The following SYNE1 variants were observed in gnomAD, a reference collection of about 807,000 sequenced individuals.
The protein encoded by SYNE1 is nesprin-1.
Under a neutral mutation model 1,111.0 loss-of-function variants are expected in SYNE1, and 616 were observed. The ratio of observed to expected loss-of-function variants is 0.55; its 90% confidence interval spans 0.52 to 0.59. The LOEUF is 0.59. Ranked by LOEUF, SYNE1 falls within the 20% of genes least tolerant of loss-of-function variation. The pLI is 0.00. For missense variants in SYNE1, 10,006 were observed against 10,417.0 expected, an observed-to-expected ratio of 0.96 and a Z score of 1.72; for synonymous variants, 3,855 against 3,825.8, an observed-to-expected ratio of 1.01 and a Z score of -0.28.
At chr6:152,167,024 T>C (rs1252481904) in intron 130 of SYNE1, among the ~76,000 whole-genome samples, 2 of 152,178 alleles carry the variant, frequency 1.3e-5, no homozygotes, top group Non-Finnish European at 2.9e-5. Context: ...CAACATTACT[T>C]TTGGTAAGCA....
At chr6:152,238,197 G>T (rs1336627161) in intron 108 of SYNE1, among the ~76,000 whole-genome samples, 4 of 152,104 alleles carry the variant, frequency 2.6e-5, no homozygotes, top group Admixed American at 6.6e-5. Context: ...GCCTGGTGGG[G>T]CTACAATTTA....
At chr6:152,228,237 T>C (rs1009795521) in intron 115 of SYNE1, among the ~76,000 whole-genome samples, 1 of 152,248 alleles carries the variant, frequency 6.6e-6, no homozygotes, top group Non-Finnish European at 1.5e-5. Flanking sequence ...AAAATAATTA[T>C]ATGGGCTACT....
chr6:152,283,249 A>G (rs1345533642), intron 96 of SYNE1, among the ~76,000 whole-genome samples: 1 of 152,232 alleles, frequency 6.6e-6, no homozygotes, highest in Admixed American at 6.5e-5. Context: ...GAATAGCAAG[A>G]GTATTTTCAT....
At chr6:152,449,385 C>T in intron 28 of SYNE1, 148 bp downstream of exon 28, 1 of 673,844 alleles carries the variant, frequency 1.5e-6, no homozygotes, top group African/African-American at 1.8e-5. Flanking sequence ...ACATGCTCCA[C>T]AGTAATATAA....
intron 137 of SYNE1, chr6:152,144,677 T>C (rs1359488005): frequency 6.5e-6 from 1 of 152,740 alleles, no homozygotes; most frequent in Non-Finnish European, 1.5e-5. Flanking sequence ...CTCAGTAATG[T>C]TACTTTGCTT....
chr6:152,248,217 T>C (rs2088011618), intron 105 of SYNE1, among the ~76,000 whole-genome samples: 1 of 152,146 alleles, frequency 6.6e-6, no homozygotes, highest in South Asian at 2.1e-4. Flanking sequence ...CCCCTACAAC[T>C]TTCCATGGCC....
intron 141 of SYNE1, 120 bp downstream of exon 141, chr6:152,136,498 G>A: frequency 8.1e-7 from 1 of 1,232,338 alleles, no homozygotes; most frequent in Non-Finnish European, 1.2e-6. Flanking sequence ...TTATCTCACT[G>A]AAATACTGAC....
intron 66 of SYNE1, 37 bp from the exon 67 acceptor site, chr6:152,355,013 T>C (rs1424504141): frequency 6.2e-7 from 1 of 1,608,294 alleles, no homozygotes; most frequent in South Asian, 1.1e-5. Context: ...CTCTCAATCA[T>C]ATTTCACACT....
intron 117 of SYNE1, 144 bp from the exon 118 acceptor site, chr6:152,221,703 C>T (rs1315073672): frequency 5.6e-6 from 6 of 1,071,572 alleles, no homozygotes; most frequent in Non-Finnish European, 8.2e-6. Context: ...GCTTTATCAG[C>T]TTTCTTTAGA....
intron 11 of SYNE1, among the ~76,000 whole-genome samples, chr6:152,494,048 C>T (rs569109379): frequency 3.3e-5 from 5 of 152,264 alleles, no homozygotes; most frequent in African/African-American, 1.2e-4. Context: ...ACACAAGAGC[C>T]GGGACTGCAC....
At chr6:152,328,660 C>A (rs180986202) in intron 78 of SYNE1, among the ~76,000 whole-genome samples, 1 of 152,104 alleles carries the variant, frequency 6.6e-6, no homozygotes, top group African/African-American at 2.4e-5. Flanking sequence ...GATCCACCCA[C>A]CTCACCCTCC....
chr6:152,221,338 C>T (rs1014236080), intron 118 of SYNE1, 88 bp downstream of exon 118: 44 of 1,502,636 alleles, frequency 2.9e-5, no homozygotes, highest in Non-Finnish European at 3.8e-5. Context: ...CTATATAGCT[C>T]AAATTCAAAC....
At position 152,484,789 on chromosome 6, in the gene SYNE1, T is replaced by C. The variant is rs58766460; in HGVS notation, c.1185+46A>G. On this transcript the variant is annotated intron_variant, in intron 13 of 145. Transcript: ENST00000367255. ...GAAATAGATGATGAAAAATATTCTT[T>C]TCTAAATTTATTAAGCTCAGTATAA... 0.01 allele frequency: 16,412 copies of C among 1,602,014 alleles called. 1,486 individuals carry two copies. The African/African-American group carries it at 0.19, about 19-fold the overall frequency.
At chr6:152,518,982 T>C (rs1564602602) in intron 6 of SYNE1, among the ~76,000 whole-genome samples, 1 of 146,600 alleles carries the variant, frequency 6.8e-6, no homozygotes, top group Non-Finnish European at 1.5e-5. Context: ...CACCCGGGAC[T>C]GTTGTAGGGT....
intron 115 of SYNE1, among the ~76,000 whole-genome samples, chr6:152,228,472 CAGG>C (rs1562334507): frequency 1.3e-5 from 2 of 149,974 alleles, no homozygotes; most frequent in African/African-American, 4.9e-5. Flanking sequence ...AAGAAATGAA[CAGG>C]AGAAGAAACA....
chr6:152,598,391 T>C (rs1005024154), intron 3 of SYNE1, among the ~76,000 whole-genome samples: 14 of 152,220 alleles, frequency 9.2e-5, no homozygotes, highest in Non-Finnish European at 1.5e-5. Flanking sequence ...TTAAACCTCT[T>C]TCTTTTGTAA....
At chr6:152,445,086 T>G (rs1161715024) in intron 29 of SYNE1, among the ~76,000 whole-genome samples, 1 of 152,020 alleles carries the variant, frequency 6.6e-6, no homozygotes, top group Non-Finnish European at 1.5e-5. Context: ...TGGGGCATAT[T>G]AAAAACCCAT....
In SYNE1 at chr6:152,488,523, A is replaced by G. The variant is rs1447328419; in HGVS notation, c.940-20T>C. 7.8e-7 allele frequency: 1 copy of G among 1,284,594 alleles called. No individual in the cohort carries two copies. The highest frequency in any genetic ancestry group is 1.2e-5 in the South Asian group (1 of 83,902). 79.6% of individuals were successfully genotyped at this position (1,284,594 alleles called of 1,614,324 possible). A position where few individuals can be genotyped will look rare whatever the true frequency, so the allele number is the denominator to read the frequency against. On this transcript the variant is annotated intron_variant, in intron 11 of 145. Transcript: ENST00000367255. The stretch of plus-strand genomic sequence containing the variant: ...TTCTCTCTGGAAATGAGGAGACATT[A>G]CAATTTTATTAGTATCTGTGCATTT...
intron 3 of SYNE1, among the ~76,000 whole-genome samples, chr6:152,604,869 G>A (rs2695255): frequency 0.65 from 96,040 of 147,706 alleles, 31,370 homozygotes; most frequent in Non-Finnish European, 0.68. Flanking sequence ...TAGGAGGACA[G>A]CTTGAGCCCA....
Sources: gnomAD v4.1 joint callset for allele counts (sites outside exome capture counted in the v4.1 genomes callset) on GRCh38, gnomAD v4.1.1 for gene constraint, MANE v1.5 for transcripts, NCBI Gene and HGNC (gene_info 2026-07-23, HGNC 2026-07-21) for gene names.